Variants in DNM2 observed in about 807,000 individuals in gnomAD.
The protein encoded by DNM2 is dynamin-2.
In DNM2, 15 loss-of-function variants were observed where a neutral mutation model predicts 99.0. The ratio of observed to expected loss-of-function variants is 0.15; its 90% CI spans 0.10 to 0.23. DNM2 has a LOEUF of 0.23. DNM2 is among the 10% of genes least tolerant of loss of function. DNM2 has a pLI of 1.00. For synonymous variants in DNM2, 525 were observed against 481.2 expected (o/e 1.09, Z -1.19); for missense variants, 742 against 1,189.4 (o/e 0.62, Z 5.53).
rs777022050 is a variant in DNM2 at position 10,812,782 on chromosome 19, A to C, written c.1671+405A>C. ...AGCCTGGGCGAGAGAGCGAGACTCCATCTCAAAATAAACAAACAAACAAAC... is the reference window on the plus strand; with the variant it reads ...AGCCTGGGCGAGAGAGCGAGACTCCCTCTCAAAATAAACAAACAAACAAAC... On this transcript the variant is annotated intron_variant, in intron 15 of 20. Transcript: ENST00000389253. The surrounding 1 kb of genome is among the most constrained non-coding windows in gnomAD (Gnocchi z 4.0). 6.6e-6 allele frequency among the ~76,000 whole-genome samples: 1 copy of C among 152,116 alleles called. No individual in the cohort carries two copies. The highest frequency in any genetic ancestry group is 2.4e-5 in the African/African-American group (1 of 41,416).
At position 10,811,893 on chromosome 19, in the gene DNM2, C is replaced by T. The variant is rs746845739; in HGVS notation, c.1558-371C>T. On this transcript the variant is annotated intron_variant, in intron 14 of 20. Transcript: ENST00000389253. This position sits in a 1 kb window ranked among gnomAD's most constrained non-coding sequence, Gnocchi z 5.4. ...CCCTAGCCCTCTGTGTGGATGCTAC[C>T]CTTGGAACCTTATCTCACGCAAACA... is the stretch of plus-strand genomic sequence containing the variant. 9 of 472,018 alleles carry T rather than the reference C, an allele frequency of 1.9e-5. No individual in the cohort carries two copies. Among genetic ancestry groups the T allele is most frequent in the African/African-American group, 3.9e-5 (2 of 50,700 alleles). The allele number at this position is 472,018 out of a possible 1,614,324, so 29.2% of individuals were successfully genotyped here. A position where few individuals can be genotyped will look rare whatever the true frequency, so the allele number is the denominator to read the frequency against.
chr19:10,791,843 T>C (rs2071763952), intron 7 of DNM2, among the ~76,000 whole-genome samples: 1 of 152,186 alleles, frequency 6.6e-6, no homozygotes. Flanking sequence ...CCCAGCACTT[T>C]GGGAGGCCAA....
At chr19:10,733,390 T>TC (rs2069408027) in intron 1 of DNM2, among the ~76,000 whole-genome samples, 1 of 149,056 alleles carries the variant, frequency 6.7e-6, no homozygotes, top group African/African-American at 2.5e-5. Context: ...ACAGGGTTTC[T>TC]CCATGTTGCC....
chr19:10,765,559 C>T lies in DNM2; in HGVS notation c.235+5748C>T, dbSNP rs1345604360. Among the ~76,000 whole-genome samples, 1 of 152,186 alleles carries T rather than the reference C, an allele frequency of 6.6e-6. No homozygotes were observed. The highest frequency in any genetic ancestry group is 1.5e-5 in the Non-Finnish European group (1 of 68,032). ...GCTGTGGGCTGGCTGGGATGCCTGC[C>T]CAGGCTGACACCTTCCCAGTGGCAA... On this transcript the variant is annotated intron_variant, in intron 2 of 20. Coordinates refer to ENST00000389253, the MANE Select transcript of DNM2 (RefSeq NM_001005361.3). This position sits in a 1 kb window ranked among gnomAD's most constrained non-coding sequence, Gnocchi z 4.4.
At chr19:10,745,694 C>T (rs2069941451) in intron 1 of DNM2, among the ~76,000 whole-genome samples, 1 of 152,016 alleles carries the variant, frequency 6.6e-6, no homozygotes, top group South Asian at 2.1e-4. Flanking sequence ...GAGATCCTGT[C>T]TCTGAAAAAA....
intron 7 of DNM2, 40 bp from the exon 8 acceptor site, chr19:10,793,678 GAA>G: frequency 1.9e-6 from 3 of 1,614,134 alleles, no homozygotes; most frequent in Non-Finnish European, 2.5e-6. Flanking sequence ...GAGTAGTGTG[GAA>G]ACCTCCGTTT....
rs150468576 is a variant in DNM2 at position 10,774,495 on chromosome 19, T to C, written c.386-1208T>C. On this transcript the variant is annotated intron_variant, in intron 3 of 20. Transcript: ENST00000389253. ...AGGCTGGAGTGCAATGGTGCAATCT[T>C]GGCTTACCGCAACCTCCACCTCCCG... is the stretch of plus-strand genomic sequence containing the variant. Among the ~76,000 whole-genome samples the C allele has an allele frequency of 3.2e-3, 488 of 152,182 alleles. 1 individual carries two copies. Among genetic ancestry groups the C allele is most frequent in the African/African-American group, 0.011 (473 of 41,510 alleles).
At position 10,795,292 on chromosome 19, in the gene DNM2, G is replaced by A; in HGVS notation, c.1129-80G>A. The A allele has an allele frequency of 7.5e-7, 1 of 1,329,578 alleles. No homozygotes were observed. The highest frequency in any genetic ancestry group is 1.2e-5 in the South Asian group (1 of 85,254). The allele number at this position is 1,329,578 out of a possible 1,614,324, so 82.4% of individuals were successfully genotyped here. Reference sequence around the variant, plus strand: ...CTTGTGAATATAGCCACACGTGGGAGAGAACGTTCCCCAGATGCACGCCTG... The same window carrying A: ...CTTGTGAATATAGCCACACGTGGGAAAGAACGTTCCCCAGATGCACGCCTG... On this transcript the variant is annotated intron_variant, in intron 8 of 20. Coordinates refer to ENST00000389253, the MANE Select transcript of DNM2 (RefSeq NM_001005361.3). This position sits in a 1 kb window ranked among gnomAD's most constrained non-coding sequence, Gnocchi z 4.2.
chr19:10,824,045 AG>A, intron 17 of DNM2, 146 bp downstream of exon 17: 1 of 739,938 alleles, frequency 1.4e-6, no homozygotes, highest in African/African-American at 1.8e-5. Context: ...GAGCAAGCAA[AG>A]GAGAAATTGG....
At chr19:10,801,945 T>C (rs1057301862) in intron 11 of DNM2, among the ~76,000 whole-genome samples, 3 of 151,656 alleles carry the variant, frequency 2.0e-5, no homozygotes, top group Non-Finnish European at 4.4e-5. Context: ...AACTGCACAT[T>C]ATTAAACCCT....
intron 1 of DNM2, among the ~76,000 whole-genome samples, chr19:10,749,413 C>T (rs527737283): frequency 4.6e-5 from 7 of 152,366 alleles, no homozygotes; most frequent in African/African-American, 1.7e-4. Flanking sequence ...TGTCCCCTAC[C>T]GCCTTCCTGG....
At chr19:10,789,425 G>A (rs1271746053) in intron 7 of DNM2, among the ~76,000 whole-genome samples, 1 of 151,964 alleles carries the variant, frequency 6.6e-6, no homozygotes, top group Non-Finnish European at 1.5e-5. Context: ...CAGATTACAA[G>A]GTGCCTGTAA....
rs755293939 is a variant in DNM2 at position 10,786,720 on chromosome 19, C to T, written c.992+14C>T. On this transcript the variant is annotated intron_variant, in intron 7 of 20. Transcript: ENST00000389253. ...AGCCCTGCTGCAGTATGTACCCCGG[C>T]ACCCACCACCACCACCACCCTGGCC... The T allele has an allele frequency of 1.9e-6, 3 of 1,613,964 alleles. No homozygotes were observed. Among genetic ancestry groups the T allele is most frequent in the South Asian group, 1.1e-5 (1 of 91,082 alleles).
At chr19:10,763,833 G>T in intron 2 of DNM2, among the ~76,000 whole-genome samples, 1 of 152,176 alleles carries the variant, frequency 6.6e-6, no homozygotes, top group East Asian at 1.9e-4. Context: ...ATGTTCAGGA[G>T]GGACAGTCAG....
At position 10,818,177 on chromosome 19, in the gene DNM2, G is replaced by A. The variant is rs550035908; in HGVS notation, c.1672-1803G>A. On this transcript the variant is annotated intron_variant, in intron 15 of 20. Coordinates refer to ENST00000389253, the MANE Select transcript of DNM2 (RefSeq NM_001005361.3). The surrounding 1 kb of genome is among the most constrained non-coding windows in gnomAD (Gnocchi z 4.3). ...TCATCACCTTCCCTCCCTTGGGTCC[G>A]CAGCGGCATCCCTCCCTCCATGGCC... Among the ~76,000 whole-genome samples, 1 of 150,602 alleles carries A rather than the reference G, an allele frequency of 6.6e-6. No homozygotes were observed. Among genetic ancestry groups the A allele is most frequent in the Non-Finnish European group, 1.5e-5 (1 of 67,776 alleles).
At chr19:10,804,430 T>C (rs2072265186) in intron 12 of DNM2, among the ~76,000 whole-genome samples, 1 of 152,166 alleles carries the variant, frequency 6.6e-6, no homozygotes, top group Admixed American at 6.5e-5. Context: ...GGCTCATGCC[T>C]GTAATCCCAA....
At chr19:10,773,635 T>A (rs912136600) in intron 3 of DNM2, among the ~76,000 whole-genome samples, 4 of 151,666 alleles carry the variant, frequency 2.6e-5, no homozygotes, top group Admixed American at 6.6e-5. Context: ...TATTTTTTAT[T>A]TTTTTTATTT....
chr19:10,727,377 T>A (rs1391691453), intron 1 of DNM2, among the ~76,000 whole-genome samples: 2 of 152,102 alleles, frequency 1.3e-5, no homozygotes, highest in Non-Finnish European at 2.9e-5. Context: ...TTTTTTTGTT[T>A]TTTTTTGAGA....
At chr19:10,745,989 C>T (rs2069951957) in intron 1 of DNM2, among the ~76,000 whole-genome samples, 1 of 152,220 alleles carries the variant, frequency 6.6e-6, no homozygotes, top group Non-Finnish European at 1.5e-5. Context: ...GAGACGGAGT[C>T]TCACTCTGAC....
Sources: allele counts gnomAD v4.1 joint callset (sites outside exome capture counted in the v4.1 genomes callset), GRCh38; gene constraint gnomAD v4.1.1; non-coding constraint Gnocchi (gnomAD v3.1); transcripts MANE v1.5; gene names NCBI Gene and HGNC (gene_info 2026-07-23, HGNC 2026-07-21).